Variants in BCL2L13 observed in about 807,000 individuals in gnomAD.
The protein encoded by BCL2L13 is BCL2 like 13, also known as bcl-2-like protein 13.
A neutral mutation model predicts 25.8 loss-of-function variants in BCL2L13; 13 were observed. That is an observed-to-expected ratio of 0.50 (90% confidence interval 0.33 to 0.80). BCL2L13 has a LOEUF of 0.80. Ranked by LOEUF, BCL2L13 falls within the 30% of genes least tolerant of loss-of-function variation. The probability of loss-of-function intolerance (pLI) is 0.02; values close to 1 mark genes in which losing one functional copy is unlikely to be tolerated. For synonymous variants in BCL2L13, 244 were observed against 230.3 expected (o/e 1.06, Z -0.54); for missense variants, 504 against 574.9 (o/e 0.88, Z 1.26).
intron 4 of BCL2L13, among the ~76,000 whole-genome samples, chr22:17,691,807 T>G (rs1388133720): frequency 6.6e-6 from 1 of 152,242 alleles, no homozygotes; most frequent in African/African-American, 2.4e-5. Context: ...TTAAAAGTAT[T>G]GTTTCTGAAG....
At chr22:17,652,385 T>G (rs928751975) in intron 1 of BCL2L13, among the ~76,000 whole-genome samples, 3 of 152,156 alleles carry the variant, frequency 2.0e-5, no homozygotes, top group Admixed American at 2.0e-4. Flanking sequence ...AGCCTGCAGT[T>G]GTGTAAAATC....
chr22:17,719,038 C>T (rs2061025150), intron 6 of BCL2L13, among the ~76,000 whole-genome samples: 1 of 151,236 alleles, frequency 6.6e-6, no homozygotes, highest in African/African-American at 2.4e-5. Context: ...CCTGTAATCC[C>T]AGCTACTTGG....
chr22:17,643,856 G>A (rs1396745671), intron 1 of BCL2L13, among the ~76,000 whole-genome samples: 4 of 151,630 alleles, frequency 2.6e-5, no homozygotes, highest in African/African-American at 4.9e-5. Context: ...CTTGTGATCC[G>A]CCCTCCTTGG....
chr22:17,714,493 C>T (rs976919709), intron 6 of BCL2L13, among the ~76,000 whole-genome samples: 1 of 152,034 alleles, frequency 6.6e-6, no homozygotes, highest in Admixed American at 6.6e-5. Context: ...AGGACTTAAT[C>T]AGGAAAGGCT....
At chr22:17,671,864 C>T (rs946557542) in intron 2 of BCL2L13, among the ~76,000 whole-genome samples, 2 of 152,150 alleles carry the variant, frequency 1.3e-5, no homozygotes, top group South Asian at 4.1e-4. Context: ...AAGGAGCGCG[C>T]CATCACGCCC....
intron 2 of BCL2L13, among the ~76,000 whole-genome samples, chr22:17,663,397 A>G (rs542279102): frequency 1.5e-3 from 230 of 152,314 alleles, no homozygotes; most frequent in African/African-American, 5.3e-3. Flanking sequence ...ATGCCCTGAC[A>G]TAGGTGGCTA....
At position 17,729,783 on chromosome 22, in the gene BCL2L13, T is replaced by C. The variant is rs2061372450; in HGVS notation, c.*2249T>C. The C allele has an allele frequency of 6.6e-6, 1 of 152,228 alleles. No homozygotes were observed. The allele number at this position is 152,228 out of a possible 1,614,324, so 9.4% of individuals were successfully genotyped here. ...ATTTCACGGTAATGGAACTAGATAG[T>C]GTTTTCCATTGGCTTTCTCTGGTAG... On this transcript the variant is annotated 3_prime_UTR_variant, in exon 7 of 7. Coordinates refer to ENST00000317582, the MANE Select transcript of BCL2L13 (RefSeq NM_015367.4).
At chr22:17,663,683 CTTTTT>C (rs61709181) in intron 2 of BCL2L13, among the ~76,000 whole-genome samples, 1 of 107,468 alleles carries the variant, frequency 9.3e-6, no homozygotes, top group East Asian at 2.7e-4. Context: ...TACATTTTTC[CTTTTT>C]TTTTTTTTTT....
At chr22:17,665,759 A>T (rs1161653233) in intron 2 of BCL2L13, among the ~76,000 whole-genome samples, 1 of 152,110 alleles carries the variant, frequency 6.6e-6, no homozygotes, top group African/African-American at 2.4e-5. Context: ...CTGTTTTTTT[A>T]ATATTAACCA....
chr22:17,691,429 G>A (rs1052209876), intron 4 of BCL2L13, among the ~76,000 whole-genome samples: 6 of 152,138 alleles, frequency 3.9e-5, no homozygotes, highest in South Asian at 2.1e-4. Flanking sequence ...GGCGTATCAC[G>A]AGGTCAGGAG....
intron 4 of BCL2L13, among the ~76,000 whole-genome samples, chr22:17,690,373 G>A (rs1460322509): frequency 1.3e-5 from 2 of 152,020 alleles, no homozygotes; most frequent in African/African-American, 4.8e-5. Context: ...AGTATATATC[G>A]ATTACCGTTT....
chr22:17,703,426 T>C (rs1389471273), intron 6 of BCL2L13: 2 of 152,236 alleles, frequency 1.3e-5, no homozygotes, highest in African/African-American at 4.8e-5. Flanking sequence ...CTGTCAATTG[T>C]AGGTGACTAA....
At chr22:17,653,329 A>G (rs926365208) in intron 1 of BCL2L13, among the ~76,000 whole-genome samples, 7 of 151,920 alleles carry the variant, frequency 4.6e-5, no homozygotes, top group Non-Finnish European at 1.0e-4. Flanking sequence ...TAACCAATAG[A>G]TCTTTGAATT....
intron 1 of BCL2L13, among the ~76,000 whole-genome samples, chr22:17,639,263 A>C (rs2058180953): frequency 6.6e-6 from 1 of 152,194 alleles, no homozygotes; most frequent in Non-Finnish European, 1.5e-5. Context: ...TGGTTGAGGG[A>C]AAGGTTTTCC....
At chr22:17,676,043 G>A (rs559630924) in intron 2 of BCL2L13, among the ~76,000 whole-genome samples, 1 of 152,336 alleles carries the variant, frequency 6.6e-6, no homozygotes, top group Non-Finnish European at 1.5e-5. Flanking sequence ...AAGGGGCCAG[G>A]AAAGATAATT....
chr22:17,636,995 G>C (rs66838241), upstream of BCL2L13, among the ~76,000 whole-genome samples: 1 of 151,606 alleles, frequency 6.6e-6, no homozygotes, highest in Non-Finnish European at 1.5e-5. Context: ...AATTAGGGCC[G>C]GGCGCGGTGG....
chr22:17,650,244 G>T (rs1352629179), intron 1 of BCL2L13, among the ~76,000 whole-genome samples: 1 of 152,134 alleles, frequency 6.6e-6, no homozygotes, highest in Non-Finnish European at 1.5e-5. Flanking sequence ...TTATTGAAGT[G>T]CCTCCCTGAC....
intron 6 of BCL2L13, among the ~76,000 whole-genome samples, chr22:17,719,827 C>CAA (rs60474373): frequency 0.05 from 4,507 of 90,258 alleles, 171 homozygotes; most frequent in African/African-American, 0.077. Flanking sequence ...GACTCCATCT[C>CAA]AAAAAAAAAA....
intron 6 of BCL2L13, among the ~76,000 whole-genome samples, chr22:17,717,447 T>C (rs2060979001): frequency 6.6e-6 from 1 of 151,406 alleles, no homozygotes; most frequent in South Asian, 2.1e-4. Context: ...ACCCTGTTTG[T>C]CTCCAATGCT....
Sources: allele counts gnomAD v4.1 joint callset (sites outside exome capture counted in the v4.1 genomes callset), GRCh38; gene constraint gnomAD v4.1.1; transcripts MANE v1.5; gene names NCBI Gene and HGNC (gene_info 2026-07-23, HGNC 2026-07-21).